OOEP: variants seen among roughly 807,000 people sequenced by gnomAD.
The protein encoded by OOEP is oocyte-expressed protein homolog.
In OOEP, 16 loss-of-function variants were observed where a neutral mutation model predicts 13.7. That is an observed-to-expected ratio of 1.16 (90% CI 0.79 to 1.77). The LOEUF is 1.77. Ranked by LOEUF, OOEP falls within the 40% of genes most tolerant of loss-of-function variation. The probability of loss-of-function intolerance (pLI) is 0.00; values close to 1 mark genes in which losing one functional copy is unlikely to be tolerated. For missense variants in OOEP, 195 were observed against 193.1 expected (o/e 1.01, Z -0.06); for synonymous variants, 89 against 77.1 (o/e 1.15, Z -0.81).
At chr6:73,381,707 G>A (rs993352919) in intron 2 of OOEP, among the ~76,000 whole-genome samples, 3 of 152,142 alleles carry the variant, frequency 2.0e-5, no homozygotes, top group South Asian at 4.1e-4. Flanking sequence ...CAGGCTGGGC[G>A]CGGTGGCTCA....
chr6:73,382,850 CTTT>C (rs765716551), intron 2 of OOEP, among the ~76,000 whole-genome samples: 5 of 102,262 alleles, frequency 4.9e-5, no homozygotes, highest in African/African-American at 1.1e-4. Context: ...TGGTTTTTAA[CTTT>C]TTTTTTTTTT....
Position 73,369,606 on chromosome 6 carries a change from A to T in OOEP, c.187T>A (p.Phe63Ile). Residue 63 changes from phenylalanine (F) to isoleucine (I), a missense_variant, in exon 1 of 3, where the codon TTT becomes ATT. Coordinates refer to ENST00000370359, the MANE Select transcript of OOEP (RefSeq NM_001080507.3). ...YLEAWLADEL[F>I]GPDRAIIPEM... is the part of the protein sequence containing the mutation. ...TAGCACACCTGGGGTCGCTCACCAA[A>T]GAGCTCGTCTGCCAGCCATGCCTCT... 5 of 1,613,296 alleles carry T rather than the reference A, an allele frequency of 3.1e-6. No individual in the cohort carries two copies. Among genetic ancestry groups the T allele is most frequent in the Non-Finnish European group, 4.2e-6 (5 of 1,179,322 alleles).
chr6:73,391,040 A>C (rs1769340840), intron 2 of OOEP: 1 of 152,194 alleles, frequency 6.6e-6, no homozygotes, highest in Non-Finnish European at 1.5e-5. Flanking sequence ...CGCCGGGCTT[A>C]TTTTTGGCTG....
chr6:73,371,264 C>A (rs573488117), upstream of OOEP, among the ~76,000 whole-genome samples: 1 of 152,238 alleles, frequency 6.6e-6, no homozygotes, highest in Admixed American at 6.5e-5. Context: ...GGCATACTTA[C>A]AGGAAAACAA....
intron 2 of OOEP, among the ~76,000 whole-genome samples, chr6:73,374,930 A>C (rs146645517): frequency 3.3e-5 from 5 of 152,094 alleles, no homozygotes; most frequent in African/African-American, 1.2e-4. Flanking sequence ...GGTTCAAGCT[A>C]TTCTCCTGCC....
chr6:73,384,965 G>C (rs1363393557), intron 2 of OOEP, among the ~76,000 whole-genome samples: 2 of 151,438 alleles, frequency 1.3e-5, no homozygotes, highest in African/African-American at 4.8e-5. Flanking sequence ...TTGAACTCCT[G>C]ACCTCAGGTG....
At chr6:73,372,142 T>C (rs143306707), upstream of OOEP, among the ~76,000 whole-genome samples, 6 of 152,260 alleles carry the variant, frequency 3.9e-5, no homozygotes, top group African/African-American at 1.4e-4. Flanking sequence ...AATCTAATCA[T>C]GAGACGCACT....
intron 1 of OOEP, chr6:73,394,623 G>T: frequency 3.2e-6 from 1 of 314,394 alleles, no homozygotes; most frequent in Non-Finnish European, 6.0e-6. Flanking sequence ...CAGTGGGGGG[G>T]TGGGGGGCGG....
chr6:73,378,547 CAGAA>C (rs1306133682), intron 2 of OOEP, among the ~76,000 whole-genome samples: 4 of 151,824 alleles, frequency 2.6e-5, no homozygotes, highest in African/African-American at 9.7e-5. Flanking sequence ...AACTCCAACT[CAGAA>C]AGAAAATCTA....
intron 2 of OOEP, among the ~76,000 whole-genome samples, chr6:73,385,395 A>T (rs12201569): frequency 0.038 from 5,777 of 152,112 alleles, 134 homozygotes; most frequent in East Asian, 0.077. Flanking sequence ...ATTAAAAAAA[A>T]AATTATATAC....
exon 1 of OOEP, chr6:73,394,854 G>A: frequency 1.3e-6 from 2 of 1,595,068 alleles, no homozygotes; most frequent in South Asian, 2.3e-5. Context: ...GTCACGGTCA[G>A]GTGGTGCAGA....
chr6:73,378,869 A>T (rs9446892), intron 2 of OOEP, among the ~76,000 whole-genome samples: 33,258 of 150,684 alleles, frequency 0.22, 4,290 homozygotes, highest in Non-Finnish European at 0.29. Context: ...TACTGTCTCC[A>T]GAAAAAAAAA....
intron 2 of OOEP, among the ~76,000 whole-genome samples, chr6:73,384,585 A>G (rs1769245520): frequency 6.6e-6 from 1 of 152,080 alleles, no homozygotes; most frequent in Non-Finnish European, 1.5e-5. Context: ...TGGTAATCTC[A>G]GCCATTTAGG....
At chr6:73,388,311 G>A (rs373310432) in intron 2 of OOEP, among the ~76,000 whole-genome samples, 3 of 5,842 alleles carry the variant, frequency 5.1e-4, no homozygotes, top group African/African-American at 6.0e-4. Flanking sequence ...CTAACAACAT[G>A]GATGTTTATT....
In OOEP at chr6:73,368,820, T is replaced by C; in HGVS notation, c.414A>G (p.Ala138=). 6.2e-7 allele frequency: 1 copy of C among 1,613,722 alleles called. No homozygotes were observed. Among genetic ancestry groups the C allele is most frequent in the Non-Finnish European group, 8.5e-7 (1 of 1,179,638 alleles). The change falls in exon 3 of 3, where the codon GCA becomes GCG. Residue 138 remains alanine, a synonymous_variant. Transcript: ENST00000370359. ...GATCCTGGGGAGAGTGGGGGTCTGA[T>C]GCATGGGCCTTCAAGTTCTTCTCAA... is the stretch of plus-strand genomic sequence containing the variant. ...KHLEKNLKAH[A]SDPHSPQDPV...
chr6:73,387,463 G>A (rs777217848), intron 2 of OOEP, among the ~76,000 whole-genome samples: 25 of 152,156 alleles, frequency 1.6e-4, no homozygotes, highest in South Asian at 4.1e-4. Flanking sequence ...GCAGTGAGCC[G>A]AGATAGCACC....
At chr6:73,378,708 C>G (rs1009814561) in intron 2 of OOEP, among the ~76,000 whole-genome samples, 3 of 151,640 alleles carry the variant, frequency 2.0e-5, no homozygotes, top group Non-Finnish European at 4.4e-5. Context: ...ACTAAAAAAT[C>G]CAAAAATTAG....
chr6:73,371,970 T>C (rs1428594244), upstream of OOEP, among the ~76,000 whole-genome samples: 1 of 151,674 alleles, frequency 6.6e-6, no homozygotes, highest in Non-Finnish European at 1.5e-5. Flanking sequence ...AGGCCAGATA[T>C]TGTGGCTCGT....
At chr6:73,374,255 G>GT (rs1769103872), upstream of OOEP, among the ~76,000 whole-genome samples, 1 of 152,080 alleles carries the variant, frequency 6.6e-6, no homozygotes, top group Non-Finnish European at 1.5e-5. Flanking sequence ...TCCATTAAAA[G>GT]TACCTGGAGT....
Sources: allele counts gnomAD v4.1 joint callset (sites outside exome capture counted in the v4.1 genomes callset), GRCh38; gene constraint gnomAD v4.1.1; transcripts MANE v1.5; gene names NCBI Gene and HGNC (gene_info 2026-07-23, HGNC 2026-07-21).